The following PPM1H variants were observed in gnomAD, a reference collection of about 807,000 sequenced individuals.
PPM1H encodes the protein protein phosphatase 1H.
Under a neutral mutation model 54.9 loss-of-function variants are expected in PPM1H, and 27 were observed. The observed-to-expected ratio is 0.49, with a 90% CI of 0.36 to 0.68. The LOEUF (loss-of-function observed/expected upper bound fraction) is 0.68. PPM1H is among the 30% of genes least tolerant of loss of function. The pLI, the probability that PPM1H is intolerant of heterozygous loss-of-function variation, is 0.00. For missense variants in PPM1H, 596 were observed against 667.8 expected (o/e 0.89, Z 1.19); for synonymous variants, 305 against 270.8 (o/e 1.13, Z -1.24).
At chr12:62,827,632 A>G (rs551744163) in intron 2 of PPM1H, among the ~76,000 whole-genome samples, 1 of 152,306 alleles carries the variant, frequency 6.6e-6, no homozygotes, top group South Asian at 2.1e-4. Context: ...ATTTTCCAAA[A>G]CACAGGAAGA....
At chr12:62,846,315 A>G (rs1198192412) in intron 1 of PPM1H, among the ~76,000 whole-genome samples, 1 of 152,012 alleles carries the variant, frequency 6.6e-6, no homozygotes, top group African/African-American at 2.4e-5. Context: ...CCTAGCCAAC[A>G]TGGCAAAACC....
At position 62,819,135 on chromosome 12, in the gene PPM1H, T is replaced by C. The variant is rs555279004; in HGVS notation, c.411+12979A>G. Among the ~76,000 whole-genome samples the C allele has an allele frequency of 6.5e-4, 96 of 148,234 alleles. 2 individuals are homozygous for C. The South Asian group carries it at 0.02, about 31-fold the overall frequency. On this transcript the variant is annotated intron_variant, in intron 2 of 9. Transcript: ENST00000228705. ...CTGCGCCGGCCAAAACATTGCTTTTTTTTTTTTTTTTTTGAGATGGAGTCT... is the reference window on the plus strand; with the variant it reads ...CTGCGCCGGCCAAAACATTGCTTTTCTTTTTTTTTTTTTGAGATGGAGTCT...
chr12:62,657,306 C>A (rs568130715), intron 9 of PPM1H, among the ~76,000 whole-genome samples: 30 of 152,150 alleles, frequency 2.0e-4, no homozygotes, highest in Non-Finnish European at 3.5e-4. Context: ...CATTTCAATA[C>A]GAGGGGGCAT....
chr12:62,844,476 T>C lies in PPM1H; in HGVS notation c.246-12197A>G, dbSNP rs963280119. ...ACATGATTCAGGCTACGTAGCCACA[T>C]TCCCCTCAAGGCTCAAGATAACTTA... On this transcript the variant is annotated intron_variant, in intron 1 of 9. Transcript: ENST00000228705. The surrounding 1 kb of genome is among the most constrained non-coding windows in gnomAD (Gnocchi z 5.2). 6.6e-6 allele frequency among the ~76,000 whole-genome samples: 1 copy of C among 152,212 alleles called. No homozygotes were observed. Among genetic ancestry groups the C allele is most frequent in the African/African-American group, 2.4e-5 (1 of 41,456 alleles).
intron 1 of PPM1H, among the ~76,000 whole-genome samples, chr12:62,905,334 G>A (rs1161430587): frequency 6.6e-6 from 1 of 152,138 alleles, no homozygotes. Flanking sequence ...AAGGCTCAAC[G>A]TGTGGCTAGT....
chr12:62,769,541 G>T (rs2076565484), intron 4 of PPM1H, among the ~76,000 whole-genome samples: 1 of 152,154 alleles, frequency 6.6e-6, no homozygotes, highest in Non-Finnish European at 1.5e-5. Flanking sequence ...ATATGAAGAT[G>T]GGTTTGTTGG....
chr12:62,890,706 G>A (rs1236122493), intron 1 of PPM1H, among the ~76,000 whole-genome samples: 5 of 132,284 alleles, frequency 3.8e-5, no homozygotes, highest in Non-Finnish European at 7.8e-5. Flanking sequence ...ATATCATTTC[G>A]TGTGTGTGTA....
intron 8 of PPM1H, among the ~76,000 whole-genome samples, chr12:62,674,843 G>A (rs1206536645): frequency 6.6e-6 from 1 of 152,194 alleles, no homozygotes; most frequent in Non-Finnish European, 1.5e-5. Flanking sequence ...GCTTGGTTTG[G>A]CTGTGGTACT....
At chr12:62,899,341 T>C (rs1452335154) in intron 1 of PPM1H, among the ~76,000 whole-genome samples, 4 of 151,996 alleles carry the variant, frequency 2.6e-5, no homozygotes. Flanking sequence ...GAGGCCAAGG[T>C]GGGAGGACCA....
At chr12:62,788,958 T>C (rs765781637) in intron 3 of PPM1H, among the ~76,000 whole-genome samples, 18 of 152,208 alleles carry the variant, frequency 1.2e-4, no homozygotes, top group Non-Finnish European at 1.3e-4. Context: ...ACTCCTGTGC[T>C]GAAGCAATCT....
chr12:62,771,087 C>A (rs954990863), intron 4 of PPM1H, among the ~76,000 whole-genome samples: 4 of 134,118 alleles, frequency 3.0e-5, no homozygotes, highest in East Asian at 2.3e-4. Context: ...CACACACACA[C>A]AACTGTGTTT....
chr12:62,698,231 G>T (rs533410753), intron 6 of PPM1H, among the ~76,000 whole-genome samples: 3 of 152,018 alleles, frequency 2.0e-5, no homozygotes, highest in Non-Finnish European at 4.4e-5. Flanking sequence ...TTGGTTCCTG[G>T]CCTCTCCTGA....
At chr12:62,792,132 G>A (rs1434143111) in intron 3 of PPM1H, among the ~76,000 whole-genome samples, 1 of 152,168 alleles carries the variant, frequency 6.6e-6, no homozygotes, top group African/African-American at 2.4e-5. Flanking sequence ...ACCACAGGTA[G>A]GTACATTATT....
chr12:62,790,943 C>A (rs2076698146), intron 3 of PPM1H, among the ~76,000 whole-genome samples: 1 of 152,144 alleles, frequency 6.6e-6, no homozygotes. Flanking sequence ...ATATCTGGAC[C>A]CTTCCCGCAG....
At chr12:62,711,928 C>T (rs186390938) in intron 6 of PPM1H, among the ~76,000 whole-genome samples, 189 of 152,286 alleles carry the variant, frequency 1.2e-3, no homozygotes, top group Non-Finnish European at 1.9e-3. Flanking sequence ...CACTGGCCTC[C>T]TGCGCAGGAG....
rs78758473 is a variant in PPM1H at position 62,825,123 on chromosome 12, A to C, written c.411+6991T>G. On this transcript the variant is annotated intron_variant, in intron 2 of 9. Coordinates refer to ENST00000228705, the MANE Select transcript of PPM1H (RefSeq NM_020700.2). ...AAAAGAAGACATTTATGCAGCCAAC[A>C]CACACATGAAAAAAATCCTCATCAT... Among the ~76,000 whole-genome samples the C allele has an allele frequency of 1.9e-3, 283 of 152,346 alleles. 4 individuals are homozygous for C. The East Asian group carries it at 0.044, about 24-fold the overall frequency.
chr12:62,691,365 G>A (rs1565758158), intron 7 of PPM1H, among the ~76,000 whole-genome samples: 1 of 152,188 alleles, frequency 6.6e-6, no homozygotes, highest in African/African-American at 2.4e-5. Flanking sequence ...GTAAATAAAT[G>A]CTAAGAAACA....
intron 5 of PPM1H, among the ~76,000 whole-genome samples, chr12:62,731,321 C>A (rs935676309): frequency 1.3e-5 from 2 of 152,158 alleles, no homozygotes. Flanking sequence ...GATATTGAAA[C>A]TGTCTCTTTC....
intron 9 of PPM1H, among the ~76,000 whole-genome samples, 194 bp downstream of exon 9, chr12:62,666,984 T>A (rs879413953): frequency 2.6e-5 from 4 of 152,204 alleles, no homozygotes; most frequent in Non-Finnish European, 5.9e-5. Flanking sequence ...AGTGCTGGGA[T>A]TATAGGCATG....
Sources: allele counts gnomAD v4.1 joint callset (sites outside exome capture counted in the v4.1 genomes callset), GRCh38; gene constraint gnomAD v4.1.1; non-coding constraint Gnocchi (gnomAD v3.1); transcripts MANE v1.5; gene names NCBI Gene and HGNC (gene_info 2026-07-23, HGNC 2026-07-21).